Variants in GCFC2 observed in about 807,000 individuals in gnomAD.
GCFC2 encodes the protein intron Large complex component GCFC2.
A neutral mutation model predicts 99.4 loss-of-function variants in GCFC2; 102 were observed. The ratio of observed to expected loss-of-function variants is 1.03; its 90% CI spans 0.87 to 1.21. GCFC2 has a LOEUF of 1.21. GCFC2 is among the 50% of genes most tolerant of loss of function. The pLI is 0.00. For missense variants in GCFC2, 973 were observed against 920.9 expected (o/e 1.06, Z -0.73); for synonymous variants, 338 against 316.8 (o/e 1.07, Z -0.71).
intron 13 of GCFC2, among the ~76,000 whole-genome samples, chr2:75,672,390 A>G (rs1296915547): frequency 6.7e-6 from 1 of 150,126 alleles, no homozygotes. Flanking sequence ...TAACTAATAT[A>G]TCACATTCAT....
intron 5 of GCFC2, among the ~76,000 whole-genome samples, chr2:75,694,780 T>C (rs530193431): frequency 1.3e-5 from 2 of 152,128 alleles, no homozygotes; most frequent in Non-Finnish European, 2.9e-5. Context: ...TGTAAGTAAA[T>C]ATCATGTGGA....
intron 11 of GCFC2, among the ~76,000 whole-genome samples, chr2:75,685,753 CCTTTA>C (rs2104313446): frequency 6.6e-6 from 1 of 152,008 alleles, no homozygotes; most frequent in East Asian, 1.9e-4. Flanking sequence ...TGGACCTCCC[CCTTTA>C]AGACTCATGT....
chr2:75,686,148 A>G (rs1324512156), intron 11 of GCFC2, among the ~76,000 whole-genome samples: 2 of 152,240 alleles, frequency 1.3e-5, no homozygotes, highest in African/African-American at 4.8e-5. Context: ...AACTAGGCAC[A>G]TGCATTCTAT....
At chr2:75,672,823 C>T (rs1679164042) in intron 13 of GCFC2, among the ~76,000 whole-genome samples, 1 of 152,102 alleles carries the variant, frequency 6.6e-6, no homozygotes, top group Non-Finnish European at 1.5e-5. Context: ...TACCTACTAA[C>T]AGTGGACGTG....
intron 15 of GCFC2, among the ~76,000 whole-genome samples, chr2:75,667,238 TAACGGGTTCTTGG>T (rs1678884351): frequency 1.3e-5 from 2 of 152,164 alleles, no homozygotes; most frequent in South Asian, 4.1e-4. Flanking sequence ...AACGTTATAG[TAACGGGTTCTTGG>T]AAACTGATCG....
chr2:75,671,876 T>G, intron 14 of GCFC2, 74 bp downstream of exon 14: 1 of 717,490 alleles, frequency 1.4e-6, no homozygotes, highest in Non-Finnish European at 2.6e-6. Context: ...ATAGAAGAAG[T>G]TTGTTGTTCT....
intron 11 of GCFC2, among the ~76,000 whole-genome samples, chr2:75,684,965 CA>C (rs1445241780): frequency 6.6e-6 from 1 of 152,084 alleles, no homozygotes; most frequent in Non-Finnish European, 1.5e-5. Context: ...CACCAGAACA[CA>C]AAACCAAACA....
At chr2:75,703,569 T>C (rs1395516740) in intron 2 of GCFC2, among the ~76,000 whole-genome samples, 1 of 152,232 alleles carries the variant, frequency 6.6e-6, no homozygotes, top group East Asian at 1.9e-4. Context: ...AGTGATTTGC[T>C]TTTTTATAGA....
At chr2:75,694,133 G>C (rs1306237503) in intron 6 of GCFC2, 108 bp downstream of exon 6, 5 of 399,362 alleles carry the variant, frequency 1.3e-5, no homozygotes, top group Admixed American at 4.4e-5. Context: ...AAAATGTGTA[G>C]GAAAAATACT....
chr2:75,672,011 A>G lies in GCFC2; in HGVS notation c.1895T>C (p.Val632Ala), dbSNP rs200603236. 12 of 1,549,778 alleles carry G rather than the reference A, an allele frequency of 7.7e-6. No homozygotes were observed. Among genetic ancestry groups the G allele is most frequent in the Non-Finnish European group, 1.1e-5 (12 of 1,122,868 alleles). The change falls in exon 14 of 17, where the codon GTA (valine) becomes GCA (alanine). Residue 632 changes from valine (V) to alanine (A), a missense_variant. By Grantham distance (64) the Val-to-Ala change is moderately conservative. Coordinates refer to ENST00000321027, the MANE Select transcript of GCFC2 (RefSeq NM_003203.5). ...VFIPLYPKSA[V>A]ENKTSPHSKF... ...TGAATGAGGTGATGTTTTGTTTTCT[A>G]CAGCACTAATTAGAAACAAACGAAA...
chr2:75,687,606 A>G (rs1679877551), intron 11 of GCFC2, among the ~76,000 whole-genome samples: 1 of 152,200 alleles, frequency 6.6e-6, no homozygotes, highest in Admixed American at 6.5e-5. Context: ...TCAGATGAGG[A>G]TTAGTGATCA....
In GCFC2 at chr2:75,710,897, C is replaced by A. The variant is rs1431721278; in HGVS notation, c.-42G>T. ...CCCGGCGCCCTAGAACCCGCTGAACCGCAAGCCGCAGCTTCAGTGCCCGCC... is the reference window on the plus strand; with the variant it reads ...CCCGGCGCCCTAGAACCCGCTGAACAGCAAGCCGCAGCTTCAGTGCCCGCC... On this transcript the variant is annotated 5_prime_UTR_variant, in exon 1 of 17. Transcript: ENST00000321027. 3 of 1,475,576 alleles carry A rather than the reference C, an allele frequency of 2.0e-6. No individual in the cohort carries two copies. The highest frequency in any genetic ancestry group is 2.9e-5 in the African/African-American group (2 of 67,870). 91.4% of individuals were successfully genotyped at this position (1,475,576 alleles called of 1,614,324 possible). A position where few individuals can be genotyped will look rare whatever the true frequency, so the allele number is the denominator to read the frequency against.
At chr2:75,667,975 C>T (rs565893809) in intron 15 of GCFC2, among the ~76,000 whole-genome samples, 2 of 152,254 alleles carry the variant, frequency 1.3e-5, no homozygotes, top group Non-Finnish European at 2.9e-5. Context: ...GACTAGGTTT[C>T]CATTAGCAAC....
chr2:75,664,569 T>TA lies in GCFC2; in HGVS notation c.*96dup, dbSNP rs1423880641. The stretch of plus-strand genomic sequence containing the variant: ...CTTTTTTTCAAATCCTACCTTCTAT[T>TA]ACAGGGAATAAAGAAGAGAGAGGCA... On this transcript the variant is annotated 3_prime_UTR_variant, in exon 17 of 17. Transcript: ENST00000321027. 3.2e-6 allele frequency: 2 copies of TA among 625,094 alleles called. No individual in the cohort carries two copies. The highest frequency in any genetic ancestry group is 3.7e-5 in the African/African-American group (2 of 54,120). 38.7% of individuals were successfully genotyped at this position (625,094 alleles called of 1,614,324 possible). A position where few individuals can be genotyped will look rare whatever the true frequency, so the allele number is the denominator to read the frequency against.
chr2:75,696,855 G>A (rs921389739), intron 4 of GCFC2, among the ~76,000 whole-genome samples: 13 of 151,646 alleles, frequency 8.6e-5, no homozygotes, highest in East Asian at 1.9e-4. Flanking sequence ...GCACAATCTC[G>A]GCTCACTGCA....
chr2:75,710,513 G>A (rs756531607), intron 1 of GCFC2, 78 bp downstream of exon 1: 131 of 1,414,352 alleles, frequency 9.3e-5, no homozygotes, highest in Non-Finnish European at 1.2e-4. Context: ...AGAACCCCCA[G>A]AGAAGGATCC....
rs144668331 is a variant in GCFC2, at chr2:75,704,468, AGG to A, written c.395-2047_395-2046del. 2.1e-3 allele frequency among the ~76,000 whole-genome samples: 324 copies of A among 152,324 alleles called. 2 individuals are homozygous for A. The highest frequency in any genetic ancestry group is 7.5e-3 in the African/African-American group (310 of 41,574). On this transcript the variant is annotated intron_variant, in intron 2 of 16. Transcript: ENST00000321027. ...TTAATCAGCGTTTCTCAATGTGCATAGGGGATGGGCAATTCACTGCGCTGAAC... is the reference window on the plus strand; with the variant it reads ...TTAATCAGCGTTTCTCAATGTGCATAGGATGGGCAATTCACTGCGCTGAAC...
At chr2:75,712,611 C>T (rs7566936), upstream of GCFC2, among the ~76,000 whole-genome samples, 49,748 of 151,870 alleles carry the variant, frequency 0.33, 8,441 homozygotes, top group Non-Finnish European at 0.38. Flanking sequence ...TTTGTTCTTT[C>T]GCTCTTTGCA....
intron 5 of GCFC2, among the ~76,000 whole-genome samples, chr2:75,695,185 A>G (rs1227622835): frequency 6.6e-6 from 1 of 152,142 alleles, no homozygotes; most frequent in Non-Finnish European, 1.5e-5. Flanking sequence ...GTTTTTATAA[A>G]TAAAGTTATA....
Sources: gnomAD v4.1 joint callset for allele counts (sites outside exome capture counted in the v4.1 genomes callset) on GRCh38, gnomAD v4.1.1 for gene constraint, MANE v1.5 for transcripts, NCBI Gene and HGNC (gene_info 2026-07-23, HGNC 2026-07-21) for gene names.